Variants in FAAH2 observed in about 807,000 individuals in gnomAD.
The protein encoded by FAAH2 is fatty acid amide hydrolase 2.
In FAAH2, 60 loss-of-function variants were observed where a neutral mutation model predicts 36.9. That is an observed-to-expected ratio of 1.63 (90% confidence interval 1.32 to 2.02). The LOEUF is 2.02. Among genes scored for constraint, FAAH2 ranks in the 30% most tolerant of loss-of-function variants. The pLI is 0.00. For missense variants in FAAH2, 689 were observed against 397.5 expected, an observed-to-expected ratio of 1.73 and a Z score of -6.23; for synonymous variants, 214 against 143.8, an observed-to-expected ratio of 1.49 and a Z score of -3.49.
chrX:57,342,531 A>G (rs1283643523), intron 5 of FAAH2, among the ~76,000 whole-genome samples: 2 of 111,941 alleles, frequency 1.8e-5, no homozygotes, highest in African/African-American at 6.5e-5. Context: ...TTAAAAAGAA[A>G]GATAAATCCT....
intron 7 of FAAH2, among the ~76,000 whole-genome samples, chrX:57,385,464 G>C (rs1162750734): frequency 1.8e-5 from 2 of 111,175 alleles, no homozygotes; most frequent in African/African-American, 6.5e-5. Context: ...GGTTCTGGCA[G>C]GTTCAGTGTC....
At chrX:57,236,671 C>A in the FAAH2 span, among the ~76,000 whole-genome samples, 3 of 110,972 alleles carry the variant, frequency 2.7e-5, no homozygotes, top group African/African-American at 9.8e-5. Flanking sequence ...CTTTTCAGAC[C>A]TTTTGTCCAT....
At chrX:57,305,352 GAA>G (rs34246974) in intron 2 of FAAH2, among the ~76,000 whole-genome samples, 1 of 109,115 alleles carries the variant, frequency 9.2e-6, no homozygotes, top group African/African-American at 3.3e-5. Flanking sequence ...AGAAAAACTG[GAA>G]AAAAAAATTC....
At chrX:57,153,992 CAA>C in the FAAH2 span, among the ~76,000 whole-genome samples, 1 of 111,990 alleles carries the variant, frequency 8.9e-6, no homozygotes, top group Non-Finnish European at 1.9e-5. Flanking sequence ...TGAGGAACTC[CAA>C]TTATTCTTAG....
chrX:57,233,693 G>T, the FAAH2 span, among the ~76,000 whole-genome samples: 1 of 112,435 alleles, frequency 8.9e-6, no homozygotes, highest in Non-Finnish European at 1.9e-5. Flanking sequence ...AGGCTGGAGT[G>T]CAGTGGCACA....
At chrX:57,373,863 A>G (rs888965494) in intron 5 of FAAH2, among the ~76,000 whole-genome samples, 1 of 111,908 alleles carries the variant, frequency 8.9e-6, no homozygotes, top group Non-Finnish European at 1.9e-5. Context: ...TCTTAGATTT[A>G]GGTATCTGAT....
At chrX:57,245,317 A>G in the FAAH2 span, among the ~76,000 whole-genome samples, 2 of 111,701 alleles carry the variant, frequency 1.8e-5, no homozygotes, top group African/African-American at 6.5e-5. Flanking sequence ...TATTGGACAG[A>G]TCAGTGAGAC....
chrX:57,376,123 A>T (rs1306822891), intron 5 of FAAH2, among the ~76,000 whole-genome samples: 1 of 111,578 alleles, frequency 9.0e-6, no homozygotes, highest in Admixed American at 9.6e-5. Context: ...TAGTATAACT[A>T]CAGGCTGTAC....
chrX:57,488,751 C>A lies in FAAH2; in HGVS notation c.1424-6C>A, dbSNP rs377445878. 4.7e-5 allele frequency: 57 copies of A among 1,205,790 alleles called. No homozygotes were observed. The highest frequency in any genetic ancestry group is 1.6e-4 in the Admixed American group (7 of 44,871). ...ATTTCTCACTTATTTTGTTTGTTTT[C>A]TTCAGGTGTCTTCAGTGCCCTGGGT... On this transcript the variant is annotated splice_region_variant and splice_polypyrimidine_tract_variant and intron_variant, in intron 10 of 10. Coordinates refer to ENST00000374900, the MANE Select transcript of FAAH2 (RefSeq NM_174912.4).
intron 4 of FAAH2, among the ~76,000 whole-genome samples, chrX:57,338,118 G>T (rs1410039654): frequency 8.9e-6 from 1 of 111,815 alleles, no homozygotes; most frequent in Non-Finnish European, 1.9e-5. Flanking sequence ...AGCAATAAAA[G>T]CTTTTAATCA....
the FAAH2 span, among the ~76,000 whole-genome samples, chrX:57,263,185 T>A: frequency 9.0e-6 from 1 of 111,579 alleles, no homozygotes; most frequent in East Asian, 2.8e-4. Flanking sequence ...TTGACATGAT[T>A]GTCTATAGAA....
At chrX:57,357,663 G>A (rs1052760783) in intron 5 of FAAH2, among the ~76,000 whole-genome samples, 3 of 111,548 alleles carry the variant, frequency 2.7e-5, no homozygotes, top group Non-Finnish European at 3.8e-5. Flanking sequence ...TTAGAGTGGC[G>A]ATAATTAAAA....
the FAAH2 span, among the ~76,000 whole-genome samples, chrX:57,158,398 T>C: frequency 1.8e-5 from 2 of 112,195 alleles, no homozygotes; most frequent in Non-Finnish European, 3.8e-5. Flanking sequence ...GTATTTCTAG[T>C]TCGAGATCCC....
intron 2 of FAAH2, among the ~76,000 whole-genome samples, chrX:57,301,255 A>T (rs1236884265): frequency 6.3e-5 from 7 of 111,272 alleles, no homozygotes; most frequent in Non-Finnish European, 1.3e-4. Context: ...AAGTTGGCAC[A>T]TACACACAAT....
intron 5 of FAAH2, among the ~76,000 whole-genome samples, chrX:57,355,770 C>T (rs1419376843): frequency 9.1e-6 from 1 of 110,421 alleles, no homozygotes; most frequent in Non-Finnish European, 1.9e-5. Context: ...ATTTTGTTGT[C>T]TTTTATTTAT....
intron 10 of FAAH2, among the ~76,000 whole-genome samples, chrX:57,469,862 C>T (rs2057127191): frequency 8.9e-6 from 1 of 111,772 alleles, no homozygotes; most frequent in Non-Finnish European, 1.9e-5. Flanking sequence ...AAGCACTCCT[C>T]AGCAAATGTA....
the FAAH2 span, among the ~76,000 whole-genome samples, chrX:57,258,240 A>T: frequency 5.7e-4 from 64 of 111,618 alleles, no homozygotes; most frequent in African/African-American, 2.1e-3. Context: ...TTGAATATCT[A>T]TATGAAAAAA....
intron 2 of FAAH2, among the ~76,000 whole-genome samples, chrX:57,301,996 T>C (rs1260378083): frequency 8.9e-6 from 1 of 112,504 alleles, no homozygotes; most frequent in Non-Finnish European, 1.9e-5. Context: ...TATTGTTCAC[T>C]GTTTTTCTTG....
rs2052346698 is a variant in FAAH2, at chrX:57,301,082, T to TAGA, written c.275+8503_275+8504insGAA. ...TTCCTCAGGGATCTAGAACTAGAAA[T>TAGA]ACCATTTGATCCAGCCATCCCATTA... is the stretch of plus-strand genomic sequence containing the variant. On this transcript the variant is annotated intron_variant, in intron 2 of 10. Transcript: ENST00000374900. 2.8e-5 allele frequency among the ~76,000 whole-genome samples: 3 copies of TAGA among 108,961 alleles called. No homozygotes were observed. The Admixed American group carries it at 2.9e-4, about 11-fold the overall frequency. 94.6% of individuals were successfully genotyped at this position (108,961 alleles called of 115,157 possible). A position where few individuals can be genotyped will look rare whatever the true frequency, so the allele number is the denominator to read the frequency against.
Sources: gnomAD v4.1 joint callset for allele counts (sites outside exome capture counted in the v4.1 genomes callset) on GRCh38, gnomAD v4.1.1 for gene constraint, MANE v1.5 for transcripts, NCBI Gene and HGNC (gene_info 2026-07-23, HGNC 2026-07-21) for gene names.